The following CAMKMT variants were observed in gnomAD, a reference collection of about 807,000 sequenced individuals.
The protein encoded by CAMKMT is CaM KMT.
In CAMKMT, 53 loss-of-function variants were observed where a neutral mutation model predicts 48.0. The observed-to-expected ratio is 1.10, with a 90% CI of 0.89 to 1.39. CAMKMT has a LOEUF of 1.39. Ranked by LOEUF, CAMKMT falls within the 40% of genes most tolerant of loss-of-function variation. The pLI is 0.00. For synonymous variants in CAMKMT, 165 were observed against 152.3 expected, an observed-to-expected ratio of 1.08 and a Z score of -0.61; for missense variants, 428 against 402.7, an observed-to-expected ratio of 1.06 and a Z score of -0.54.
At chr2:44,671,923 C>T (rs535265572) in intron 3 of CAMKMT, among the ~76,000 whole-genome samples, 1 of 152,190 alleles carries the variant, frequency 6.6e-6, no homozygotes, top group Non-Finnish European at 1.5e-5. Context: ...CTTTTCCTGC[C>T]CTTCCTGCAA....
chr2:44,410,535 T>C (rs1334689811), intron 3 of CAMKMT, among the ~76,000 whole-genome samples: 2 of 151,940 alleles, frequency 1.3e-5, no homozygotes, highest in African/African-American at 4.8e-5. Flanking sequence ...ATGTAAAATG[T>C]GGGAGATCTT....
At chr2:44,614,935 G>GGTTTTT (rs1671789368) in intron 3 of CAMKMT, among the ~76,000 whole-genome samples, 1 of 33,880 alleles carries the variant, frequency 3.0e-5, no homozygotes, top group Admixed American at 3.4e-4. Context: ...TGGTCTCCTT[G>GGTTTTT]CTTTTTTTTT....
At chr2:44,379,550 C>A (rs1204811317) in intron 2 of CAMKMT, among the ~76,000 whole-genome samples, 1 of 152,046 alleles carries the variant, frequency 6.6e-6, no homozygotes, top group African/African-American at 2.4e-5. Flanking sequence ...TAGTTTCTCC[C>A]CATACTTATC....
intron 9 of CAMKMT, among the ~76,000 whole-genome samples, chr2:44,762,057 A>T (rs890446259): frequency 6.6e-6 from 1 of 152,194 alleles, no homozygotes; most frequent in African/African-American, 2.4e-5. Flanking sequence ...ATGGAACGTG[A>T]TGAAAAAGTA....
chr2:44,559,007 A>AG (rs1553414818), intron 3 of CAMKMT, among the ~76,000 whole-genome samples: 55 of 152,130 alleles, frequency 3.6e-4, no homozygotes, highest in African/African-American at 1.3e-3. Context: ...ATAGATAGAT[A>AG]AACAGACAGA....
intron 3 of CAMKMT, among the ~76,000 whole-genome samples, chr2:44,413,508 C>T (rs1179511082): frequency 2.0e-5 from 3 of 151,766 alleles, no homozygotes; most frequent in African/African-American, 7.3e-5. Flanking sequence ...AAAAATTAGC[C>T]GGGCAGGGTG....
intron 3 of CAMKMT, among the ~76,000 whole-genome samples, chr2:44,425,117 A>C (rs951371261): frequency 7.9e-5 from 12 of 152,246 alleles, no homozygotes; most frequent in Non-Finnish European, 1.5e-5. Flanking sequence ...TTCAAATTGC[A>C]TGGACTCCTT....
intron 3 of CAMKMT, among the ~76,000 whole-genome samples, chr2:44,669,187 G>A (rs982786880): frequency 2.0e-5 from 3 of 152,074 alleles, no homozygotes; most frequent in Admixed American, 6.6e-5. Flanking sequence ...TATGTATATG[G>A]AATCTTATTA....
At chr2:44,721,143 C>G (rs1038375150) in intron 7 of CAMKMT, among the ~76,000 whole-genome samples, 6 of 152,058 alleles carry the variant, frequency 3.9e-5, no homozygotes, top group Non-Finnish European at 7.4e-5. Context: ...CTTTTTCTCT[C>G]TTGTATAATT....
chr2:44,759,733 G>A (rs1680533749), intron 9 of CAMKMT, among the ~76,000 whole-genome samples: 1 of 152,110 alleles, frequency 6.6e-6, no homozygotes, highest in African/African-American at 2.4e-5. Flanking sequence ...CAGGGGCCCA[G>A]CCCTGAGAAG....
intron 3 of CAMKMT, among the ~76,000 whole-genome samples, chr2:44,532,406 A>G (rs941210664): frequency 1.3e-5 from 2 of 152,244 alleles, no homozygotes; most frequent in South Asian, 4.1e-4. Context: ...AGTGAATTCA[A>G]AAGTTAAGGA....
intron 3 of CAMKMT, among the ~76,000 whole-genome samples, chr2:44,602,858 G>T (rs939376838): frequency 2.6e-5 from 4 of 151,966 alleles, no homozygotes; most frequent in Admixed American, 6.6e-5. Context: ...ATGAGATTTG[G>T]GTGGGGACAC....
intron 3 of CAMKMT, among the ~76,000 whole-genome samples, chr2:44,593,978 GTC>G (rs1053840877): frequency 1.2e-4 from 18 of 152,046 alleles, no homozygotes; most frequent in Non-Finnish European, 2.4e-4. Flanking sequence ...GGTCAGGCTG[GTC>G]TCGAACTCCC....
chr2:44,393,738 C>G (rs187330626), intron 3 of CAMKMT, among the ~76,000 whole-genome samples: 1 of 152,148 alleles, frequency 6.6e-6, no homozygotes, highest in Non-Finnish European at 1.5e-5. Flanking sequence ...ATATGTCGCT[C>G]AGATACCTTG....
At chr2:44,486,915 T>C (rs1338937697) in intron 3 of CAMKMT, among the ~76,000 whole-genome samples, 1 of 152,228 alleles carries the variant, frequency 6.6e-6, no homozygotes, top group Non-Finnish European at 1.5e-5. Context: ...AATAAGTACA[T>C]GAATGAATGT....
chr2:44,621,266 C>CAAAAAA (rs10667154), intron 3 of CAMKMT, among the ~76,000 whole-genome samples: 14 of 84,424 alleles, frequency 1.7e-4, no homozygotes, highest in African/African-American at 7.0e-4. Context: ...GACTCCATCT[C>CAAAAAA]AAAAAAAAAA....
intron 3 of CAMKMT, among the ~76,000 whole-genome samples, chr2:44,584,790 C>T (rs1419626541): frequency 1.3e-5 from 2 of 152,008 alleles, no homozygotes; most frequent in Non-Finnish European, 2.9e-5. Context: ...TGCGGTGGCT[C>T]ACACCTGTAA....
chr2:44,414,507 A>G (rs1683417601), intron 3 of CAMKMT, among the ~76,000 whole-genome samples: 1 of 152,184 alleles, frequency 6.6e-6, no homozygotes, highest in African/African-American at 2.4e-5. Flanking sequence ...TGGGCCTTCC[A>G]TGAGGTTCAC....
At chr2:44,625,369 G>A (rs1672422127) in intron 3 of CAMKMT, among the ~76,000 whole-genome samples, 1 of 151,940 alleles carries the variant, frequency 6.6e-6, no homozygotes, top group Admixed American at 6.6e-5. Context: ...CAATAATTCT[G>A]TATATAACCT....
Sources: allele counts gnomAD v4.1 joint callset (sites outside exome capture counted in the v4.1 genomes callset), GRCh38; gene constraint gnomAD v4.1.1; transcripts MANE v1.5; gene names NCBI Gene and HGNC (gene_info 2026-07-23, HGNC 2026-07-21).